The following PHF20 variants were observed in gnomAD, a reference collection of about 807,000 sequenced individuals.
The protein encoded by PHF20 is PHD finger protein 20.
Under a neutral mutation model 113.5 loss-of-function variants are expected in PHF20, and 23 were observed. The ratio of observed to expected loss-of-function variants is 0.20; its 90% CI spans 0.15 to 0.29. The LOEUF is 0.29. PHF20 is among the 10% of genes least tolerant of loss of function. The pLI is 1.00. For synonymous variants in PHF20, 434 were observed against 457.3 expected (o/e 0.95, Z 0.65); for missense variants, 943 against 1,219.6 (o/e 0.77, Z 3.38).
Position 35,803,228 on chromosome 20 carries a change from G to C in PHF20, c.83+1623G>C, listed in dbSNP as rs570743723. On this transcript the variant is annotated intron_variant, in intron 2 of 17. Coordinates refer to ENST00000374012, the MANE Select transcript of PHF20 (RefSeq NM_016436.5). ...GATCGCGCCACTGCACTCCAGCCTG[G>C]GTGACTGAGCGAGACTCCGTCCCGG... Among the ~76,000 whole-genome samples the C allele has an allele frequency of 1.2e-3, 185 of 150,250 alleles. 1 individual carries two copies. The highest frequency in any genetic ancestry group is 4.3e-3 in the African/African-American group (178 of 40,930).
chr20:35,870,394 T>C (rs2054399731), intron 7 of PHF20, among the ~76,000 whole-genome samples: 1 of 151,166 alleles, frequency 6.6e-6, no homozygotes, highest in Non-Finnish European at 1.5e-5. Flanking sequence ...GGCAGGAGAA[T>C]TGTTTGAACT....
chr20:35,790,707 C>T (rs11696369), intron 1 of PHF20, among the ~76,000 whole-genome samples: 18,610 of 152,128 alleles, frequency 0.12, 1,198 homozygotes, highest in South Asian at 0.16. Flanking sequence ...CACAGCCCCT[C>T]TGCTAAAGCT....
At chr20:35,825,903 C>G (rs1290475394) in intron 2 of PHF20, among the ~76,000 whole-genome samples, 3 of 152,052 alleles carry the variant, frequency 2.0e-5, no homozygotes, top group African/African-American at 7.2e-5. Flanking sequence ...GCTTGATGAA[C>G]TTTTACATAT....
chr20:35,786,613 A>G (rs776875977), intron 1 of PHF20, among the ~76,000 whole-genome samples: 16 of 152,250 alleles, frequency 1.1e-4, no homozygotes, highest in Non-Finnish European at 1.8e-4. Flanking sequence ...GAGGCAGGAG[A>G]ATCACTTGAA....
chr20:35,837,564 A>G (rs1449797509), intron 2 of PHF20, among the ~76,000 whole-genome samples: 1 of 152,230 alleles, frequency 6.6e-6, no homozygotes, highest in Non-Finnish European at 1.5e-5. Flanking sequence ...ATGGTTGTCC[A>G]TATATTTAGG....
At chr20:35,932,552 T>G (rs2055780499) in intron 15 of PHF20, among the ~76,000 whole-genome samples, 1 of 149,842 alleles carries the variant, frequency 6.7e-6, no homozygotes, top group South Asian at 2.1e-4. Flanking sequence ...TGCCTCAGCC[T>G]CCTGAGTAGC....
At chr20:35,838,825 A>G (rs73095519) in intron 2 of PHF20, among the ~76,000 whole-genome samples, 729 of 70,800 alleles carry the variant, frequency 0.01, 3 homozygotes, top group Middle Eastern at 0.058. Context: ...CCACCTCTAC[A>G]AAAAAAAAAA....
chr20:35,803,550 C>T (rs2041824469), intron 2 of PHF20, among the ~76,000 whole-genome samples: 1 of 151,600 alleles, frequency 6.6e-6, no homozygotes, highest in Non-Finnish European at 1.5e-5. Flanking sequence ...GTCTCCAACT[C>T]CTGACCTCAG....
chr20:35,786,251 T>C (rs112369740), intron 1 of PHF20, among the ~76,000 whole-genome samples: 1 of 147,354 alleles, frequency 6.8e-6, no homozygotes, highest in Non-Finnish European at 1.5e-5. Context: ...ATTAGTTGGG[T>C]GTGGTGGCGT....
intron 6 of PHF20, among the ~76,000 whole-genome samples, chr20:35,864,453 A>AC (rs2054279340): frequency 8.2e-6 from 1 of 122,294 alleles, no homozygotes; most frequent in Non-Finnish European, 1.7e-5. Flanking sequence ...CACACACACA[A>AC]ATATTTTCAT....
intron 12 of PHF20, among the ~76,000 whole-genome samples, chr20:35,914,769 G>T (rs1008388993): frequency 1.8e-4 from 27 of 151,888 alleles, no homozygotes; most frequent in African/African-American, 6.3e-4. Flanking sequence ...TTTGAGACCA[G>T]CCTGGCCAAC....
chr20:35,785,590 G>C (rs994470228), intron 1 of PHF20, among the ~76,000 whole-genome samples: 36 of 151,856 alleles, frequency 2.4e-4, no homozygotes, highest in African/African-American at 8.0e-4. Context: ...AATGTGCTGG[G>C]ATTACTGGTG....
intron 2 of PHF20, among the ~76,000 whole-genome samples, chr20:35,824,254 C>G (rs998373716): frequency 6.6e-6 from 1 of 151,808 alleles, no homozygotes; most frequent in Non-Finnish European, 1.5e-5. Context: ...TCTTTTTTTT[C>G]TCTCCTTTTT....
At chr20:35,837,166 C>G (rs1289673102) in intron 2 of PHF20, among the ~76,000 whole-genome samples, 1 of 152,010 alleles carries the variant, frequency 6.6e-6, no homozygotes, top group Non-Finnish European at 1.5e-5. Context: ...CAGTAAGACC[C>G]TGTCTCAAAA....
chr20:35,804,555 A>G (rs2146871022), intron 2 of PHF20, among the ~76,000 whole-genome samples: 1 of 151,992 alleles, frequency 6.6e-6, no homozygotes, highest in South Asian at 2.1e-4. Flanking sequence ...TACTTTTAGT[A>G]GAGATGGGGT....
chr20:35,786,911 C>T (rs1263387598), intron 1 of PHF20, among the ~76,000 whole-genome samples: 1 of 151,986 alleles, frequency 6.6e-6, no homozygotes, highest in African/African-American at 2.4e-5. Context: ...GTGGATAACA[C>T]TCTTCAAAGA....
chr20:35,842,909 T>G (rs1440712753), intron 3 of PHF20, among the ~76,000 whole-genome samples, 165 bp downstream of exon 3: 1 of 152,080 alleles, frequency 6.6e-6, no homozygotes, highest in Admixed American at 6.5e-5. Context: ...GAATCCCAAT[T>G]TTGTTTGTTT....
rs570079981 is a variant in PHF20 at position 35,796,259 on chromosome 20, CTTTA to C, written c.-32-5227_-32-5224del. Among the ~76,000 whole-genome samples, 321 of 152,182 alleles carry C rather than the reference CTTTA, an allele frequency of 2.1e-3. 1 individual carries two copies. Among genetic ancestry groups the C allele is most frequent in the Middle Eastern group, 6.8e-3 (2 of 294 alleles). ...ATCATAGTAGTAGCTTAATAGCATT[CTTTA>C]TTTAATTTATTACATATTTGTTGAG... On this transcript the variant is annotated intron_variant, in intron 1 of 17. Coordinates refer to ENST00000374012, the MANE Select transcript of PHF20 (RefSeq NM_016436.5).
chr20:35,922,843 C>T (rs543298062), intron 13 of PHF20, among the ~76,000 whole-genome samples: 2 of 152,320 alleles, frequency 1.3e-5, no homozygotes, highest in South Asian at 4.1e-4. Flanking sequence ...TGGTTGGCTG[C>T]AGTGGCTCAC....
Sources: allele counts gnomAD v4.1 joint callset (sites outside exome capture counted in the v4.1 genomes callset), GRCh38; gene constraint gnomAD v4.1.1; transcripts MANE v1.5; gene names NCBI Gene and HGNC (gene_info 2026-07-23, HGNC 2026-07-21).